CACNA2D1: variants seen among roughly 807,000 people sequenced by gnomAD.
The protein encoded by CACNA2D1 is calcium voltage-gated channel auxiliary subunit alpha2delta 1.
Under a neutral mutation model 171.5 loss-of-function variants are expected in CACNA2D1, and 53 were observed. The ratio of observed to expected loss-of-function variants is 0.31; its 90% CI spans 0.25 to 0.39. The LOEUF is 0.39. Ranked by LOEUF, CACNA2D1 falls within the 10% of genes least tolerant of loss-of-function variation. CACNA2D1 has a pLI of 1.00. For synonymous variants in CACNA2D1, 442 were observed against 443.1 expected (o/e 1.00, Z 0.03); for missense variants, 903 against 1,299.8 (o/e 0.69, Z 4.69).
intron 12 of CACNA2D1, among the ~76,000 whole-genome samples, chr7:82,022,178 T>A (rs577359019): frequency 4.7e-4 from 71 of 151,650 alleles, no homozygotes; most frequent in Non-Finnish European, 8.1e-4. Context: ...ACACTAATTT[T>A]ACTCTATGAG....
chr7:81,978,866 G>A (rs1167937920), intron 24 of CACNA2D1, among the ~76,000 whole-genome samples: 8 of 149,600 alleles, frequency 5.3e-5, no homozygotes, highest in South Asian at 2.1e-4. Context: ...CTTAACATAT[G>A]TTAATTGAAG....
At chr7:82,356,096 T>C (rs752517685) in intron 1 of CACNA2D1, among the ~76,000 whole-genome samples, 5 of 152,116 alleles carry the variant, frequency 3.3e-5, no homozygotes, top group Non-Finnish European at 7.4e-5. Flanking sequence ...ACAGAGCTAA[T>C]AGCCAAATGC....
chr7:82,167,054 T>C (rs1008703704), intron 4 of CACNA2D1, among the ~76,000 whole-genome samples: 1 of 152,084 alleles, frequency 6.6e-6, no homozygotes, highest in Non-Finnish European at 1.5e-5. Flanking sequence ...GAATATTACA[T>C]TGCTCTTTGA....
chr7:82,001,712 T>C (rs767775455), intron 18 of CACNA2D1: 2 of 1,229,626 alleles, frequency 1.6e-6, no homozygotes, highest in Non-Finnish European at 2.2e-6. Context: ...CCTACACCAA[T>C]AGGCTGAAGC....
At chr7:82,172,440 C>A (rs1158886856) in intron 3 of CACNA2D1, among the ~76,000 whole-genome samples, 1 of 148,806 alleles carries the variant, frequency 6.7e-6, no homozygotes, top group African/African-American at 2.5e-5. Context: ...AGAAAATAAG[C>A]ATGAAGGCTT....
At chr7:82,021,112 A>G (rs1329492580) in intron 12 of CACNA2D1, 1 of 152,122 alleles carries the variant, frequency 6.6e-6, no homozygotes, top group East Asian at 1.9e-4. Flanking sequence ...TTTTCTCTAT[A>G]TGCATTTAGT....
At chr7:82,043,108 G>GATCAATA (rs1804153977) in intron 10 of CACNA2D1, among the ~76,000 whole-genome samples, 1 of 152,112 alleles carries the variant, frequency 6.6e-6, no homozygotes, top group South Asian at 2.1e-4. Flanking sequence ...ATAAAATGTT[G>GATCAATA]ATCAATAATC....
intron 18 of CACNA2D1, among the ~76,000 whole-genome samples, chr7:81,997,926 T>C (rs1361520720): frequency 6.6e-6 from 1 of 151,870 alleles, no homozygotes; most frequent in East Asian, 1.9e-4. Flanking sequence ...AACCCCTGGG[T>C]TCAATGAATA....
intron 9 of CACNA2D1, among the ~76,000 whole-genome samples, chr7:82,061,913 G>C (rs779640833): frequency 6.6e-6 from 1 of 152,102 alleles, no homozygotes; most frequent in Non-Finnish European, 1.5e-5. Context: ...AAATGCAAAA[G>C]CCTGAAAAGA....
In CACNA2D1 at chr7:82,416,092, G is replaced by A. The variant is rs11973077; in HGVS notation, c.95+27273C>T. On this transcript the variant is annotated intron_variant, in intron 1 of 38. Transcript: ENST00000356860. The stretch of plus-strand genomic sequence containing the variant: ...TAGCTGGTCGTGATGGCGGGCACCT[G>A]TAATCCCAGCTACTCGGGAGGGTGA... Among the ~76,000 whole-genome samples, 350 of 152,050 alleles carry A rather than the reference G, an allele frequency of 2.3e-3. 3 individuals are homozygous for A. The highest frequency in any genetic ancestry group is 7.9e-3 in the African/African-American group (327 of 41,492).
At chr7:81,981,361 G>A (rs1191092844) in intron 24 of CACNA2D1, among the ~76,000 whole-genome samples, 7 of 152,134 alleles carry the variant, frequency 4.6e-5, no homozygotes, top group Admixed American at 1.3e-4. Flanking sequence ...GATCAACAGC[G>A]TCACACACTA....
chr7:82,031,542 CTTACA>C (rs1452652709), intron 12 of CACNA2D1, among the ~76,000 whole-genome samples: 2 of 151,792 alleles, frequency 1.3e-5, no homozygotes, highest in African/African-American at 2.4e-5. Flanking sequence ...ACCCTTAAAC[CTTACA>C]TTAAACTGTA....
chr7:82,258,179 G>A (rs1044088406), intron 3 of CACNA2D1, among the ~76,000 whole-genome samples: 2 of 152,056 alleles, frequency 1.3e-5, no homozygotes, highest in South Asian at 2.1e-4. Flanking sequence ...CCACTCTTAC[G>A]CCTAAAGTAA....
chr7:82,089,506 C>T (rs369262045), intron 6 of CACNA2D1, among the ~76,000 whole-genome samples: 12 of 152,242 alleles, frequency 7.9e-5, no homozygotes, highest in East Asian at 5.8e-4. Flanking sequence ...TTATTCTGAA[C>T]GGCATAATAG....
intron 1 of CACNA2D1, among the ~76,000 whole-genome samples, chr7:82,436,688 G>C (rs1440124671): frequency 6.6e-6 from 1 of 152,048 alleles, no homozygotes; most frequent in East Asian, 1.9e-4. Context: ...AAATCTGAGG[G>C]CTCTTCTCTC....
chr7:82,165,371 T>C (rs1795340558), intron 4 of CACNA2D1, among the ~76,000 whole-genome samples: 2 of 151,992 alleles, frequency 1.3e-5, no homozygotes, highest in South Asian at 4.2e-4. Context: ...TTGGCTTTAA[T>C]AGAAATGGAA....
rs563880851 is a variant in CACNA2D1 at position 82,066,840 on chromosome 7, A to G, written c.659-316T>C. Among the ~76,000 whole-genome samples, 31 of 152,210 alleles carry G rather than the reference A, an allele frequency of 2.0e-4. 1 individual carries two copies. The East Asian group carries it at 6.0e-3, about 29-fold the overall frequency. Reference sequence around the variant, plus strand: ...TCCAGAGGTTATAATTTTTTTCCTAACAGAAAATTTATGTGCCACTAATGA... The same window carrying G: ...TCCAGAGGTTATAATTTTTTTCCTAGCAGAAAATTTATGTGCCACTAATGA... On this transcript the variant is annotated intron_variant, in intron 7 of 38. Coordinates refer to ENST00000356860, the MANE Select transcript of CACNA2D1 (RefSeq NM_000722.4).
intron 3 of CACNA2D1, among the ~76,000 whole-genome samples, chr7:82,219,794 C>T (rs1009514965): frequency 3.9e-5 from 6 of 151,986 alleles, no homozygotes; most frequent in Non-Finnish European, 7.4e-5. Flanking sequence ...TCATCTATGC[C>T]TTATGATTTA....
chr7:81,999,875 AGTTT>A (rs1433240449), intron 18 of CACNA2D1, among the ~76,000 whole-genome samples: 1 of 152,230 alleles, frequency 6.6e-6, no homozygotes, highest in African/African-American at 2.4e-5. Context: ...TAGGAAATTC[AGTTT>A]GTTCTAAAAT....
Sources: allele counts gnomAD v4.1 joint callset (sites outside exome capture counted in the v4.1 genomes callset), GRCh38; gene constraint gnomAD v4.1.1; transcripts MANE v1.5; gene names NCBI Gene and HGNC (gene_info 2026-07-23, HGNC 2026-07-21).